Variants in CCSER1 observed in about 807,000 individuals in gnomAD.
CCSER1 encodes the protein coiled-coil serine rich protein 1.
CCSER1 carries 41 observed loss-of-function variants against 82.0 expected under a neutral mutation model. The observed-to-expected ratio is 0.50, with a 90% CI of 0.39 to 0.65. The LOEUF is 0.65. Among genes scored for constraint, CCSER1 ranks in the 30% least tolerant of loss-of-function variants. The pLI, the probability that CCSER1 is intolerant of heterozygous loss-of-function variation, is 0.00. For synonymous variants in CCSER1, 414 were observed against 383.9 expected, an observed-to-expected ratio of 1.08 and a Z score of -0.92; for missense variants, 1,119 against 1,064.2, an observed-to-expected ratio of 1.05 and a Z score of -0.72.
intron 8 of CCSER1, chr4:90,838,937 G>T: frequency 6.2e-7 from 1 of 1,613,408 alleles, no homozygotes; most frequent in Non-Finnish European, 8.5e-7. Flanking sequence ...CTGTTCAATC[G>T]TTTCTTTGGA....
At chr4:90,418,524 G>A (rs911870036) in intron 4 of CCSER1, among the ~76,000 whole-genome samples, 4 of 152,026 alleles carry the variant, frequency 2.6e-5, no homozygotes, top group Middle Eastern at 6.8e-3. Flanking sequence ...AATTTATGAG[G>A]TAAATAACAT....
chr4:90,225,845 T>G (rs1304063946), intron 1 of CCSER1, among the ~76,000 whole-genome samples: 1 of 152,226 alleles, frequency 6.6e-6, no homozygotes, highest in Non-Finnish European at 1.5e-5. Context: ...TGGCCACAGA[T>G]GCTTTGCTGC....
intron 5 of CCSER1, among the ~76,000 whole-genome samples, chr4:90,541,290 A>T (rs1776066293): frequency 6.6e-6 from 1 of 151,872 alleles, no homozygotes; most frequent in Non-Finnish European, 1.5e-5. Context: ...GAGAATGAAT[A>T]CTCTCTCTAC....
At chr4:90,534,164 C>T (rs550493171) in intron 5 of CCSER1, among the ~76,000 whole-genome samples, 28 of 152,318 alleles carry the variant, frequency 1.8e-4, no homozygotes, top group Non-Finnish European at 3.2e-4. Context: ...CAGTCTCGCT[C>T]TGTTGCCCAG....
At chr4:91,542,928 G>A (rs1448175325) in intron 10 of CCSER1, among the ~76,000 whole-genome samples, 1 of 152,046 alleles carries the variant, frequency 6.6e-6, no homozygotes, top group Non-Finnish European at 1.5e-5. Flanking sequence ...ATTATTGTGT[G>A]GGAGTCTAAG....
At chr4:91,082,956 A>G (rs1287739784) in intron 9 of CCSER1, among the ~76,000 whole-genome samples, 1 of 152,152 alleles carries the variant, frequency 6.6e-6, no homozygotes, top group Admixed American at 6.6e-5. Context: ...CTTCTACACT[A>G]TTAGTGGGAC....
At chr4:91,178,592 G>T (rs979627642) in intron 10 of CCSER1, among the ~76,000 whole-genome samples, 2 of 151,952 alleles carry the variant, frequency 1.3e-5, no homozygotes, top group Admixed American at 1.3e-4. Context: ...ATCTTTGTTG[G>T]TTTAAAGTCT....
chr4:91,023,739 T>G (rs903745469), intron 9 of CCSER1, among the ~76,000 whole-genome samples: 1 of 152,142 alleles, frequency 6.6e-6, no homozygotes, highest in African/African-American at 2.4e-5. Flanking sequence ...ATTCAGGACA[T>G]AGGCATGGGC....
intron 5 of CCSER1, among the ~76,000 whole-genome samples, chr4:90,507,392 A>G (rs752509520): frequency 3.8e-4 from 58 of 151,988 alleles, no homozygotes; most frequent in African/African-American, 8.2e-4. Flanking sequence ...TCTAAACATT[A>G]TTTGAAAAAA....
intron 10 of CCSER1, among the ~76,000 whole-genome samples, chr4:91,464,690 G>T (rs957046326): frequency 6.6e-6 from 1 of 152,098 alleles, no homozygotes; most frequent in African/African-American, 2.4e-5. Flanking sequence ...CAAAAAAATG[G>T]CAGGACTTGC....
chr4:90,664,043 A>G (rs1731284075), intron 6 of CCSER1: 2 of 165,258 alleles, frequency 1.2e-5, no homozygotes, highest in South Asian at 2.6e-4. Flanking sequence ...TCTATACAAA[A>G]AAAATCTCTA....
At position 90,723,941 on chromosome 4, in the gene CCSER1, A is replaced by G; in HGVS notation, c.1960A>G (p.Thr654Ala). Reference protein sequence around the residue: ...ESADMSPASSTTSLPVSPLTE... With the variant: ...ESADMSPASSATSLPVSPLTE... ...TGCAGACATGAGTCCAGCAAGCAGT[A>G]CCACGTCACTTCCTGTTAGTCCTCT... Residue 654 changes from threonine (T) to alanine (A), a missense_variant, in exon 7 of 11, where the codon ACC becomes GCC. By Grantham distance (58) the Thr-to-Ala change is moderately conservative (BLOSUM62 0). Coordinates refer to ENST00000509176, the MANE Select transcript of CCSER1 (RefSeq NM_001145065.2). 6.3e-7 allele frequency: 1 copy of G among 1,583,790 alleles called. No individual in the cohort carries two copies. Among genetic ancestry groups the G allele is most frequent in the Non-Finnish European group, 8.6e-7 (1 of 1,163,272 alleles).
At chr4:90,812,877 AC>A (rs1758531074) in intron 7 of CCSER1, among the ~76,000 whole-genome samples, 1 of 151,966 alleles carries the variant, frequency 6.6e-6, no homozygotes, top group African/African-American at 2.4e-5. Context: ...AGGGGAAACC[AC>A]CCCCATGATC....
At chr4:90,804,339 G>A (rs1580550495) in intron 7 of CCSER1, among the ~76,000 whole-genome samples, 1 of 152,014 alleles carries the variant, frequency 6.6e-6, no homozygotes, top group African/African-American at 2.4e-5. Context: ...AATTTTTATG[G>A]TCCTAGGTTT....
intron 10 of CCSER1, among the ~76,000 whole-genome samples, chr4:91,437,529 T>A (rs1754742937): frequency 1.3e-5 from 2 of 152,202 alleles, no homozygotes; most frequent in Admixed American, 6.5e-5. Context: ...ACAGCTCCGG[T>A]CTACAGCTCC....
At chr4:90,137,882 G>C (rs1334390799) in intron 1 of CCSER1, among the ~76,000 whole-genome samples, 2 of 152,154 alleles carry the variant, frequency 1.3e-5, no homozygotes, top group African/African-American at 4.8e-5. Flanking sequence ...GCTTATTCTA[G>C]TAGGCCCTTC....
chr4:90,180,416 G>A lies in CCSER1; in HGVS notation c.-42+52585G>A, dbSNP rs1031397935. The stretch of plus-strand genomic sequence containing the variant: ...CCAGACTGGCCAACATGGTGAAACC[G>A]CGTCTCTACTAAAAATACAAAAATT... On this transcript the variant is annotated intron_variant, in intron 1 of 10. Coordinates refer to ENST00000509176, the MANE Select transcript of CCSER1 (RefSeq NM_001145065.2). Among the ~76,000 whole-genome samples the A allele has an allele frequency of 5.3e-5, 8 of 151,738 alleles. No homozygotes were observed. The East Asian group carries it at 1.4e-3, about 26-fold the overall frequency.
chr4:90,339,433 G>A (rs1740987022), intron 3 of CCSER1, among the ~76,000 whole-genome samples: 1 of 152,110 alleles, frequency 6.6e-6, no homozygotes, highest in Non-Finnish European at 1.5e-5. Context: ...TGTTATGTCT[G>A]TTCTCAACAC....
intron 9 of CCSER1, among the ~76,000 whole-genome samples, chr4:91,030,559 A>G (rs542027582): frequency 6.6e-6 from 1 of 152,232 alleles, no homozygotes; most frequent in East Asian, 1.9e-4. Context: ...GTCTTTGGTC[A>G]TTCATTTCTG....
Sources: gnomAD v4.1 joint callset for allele counts (sites outside exome capture counted in the v4.1 genomes callset) on GRCh38, gnomAD v4.1.1 for gene constraint, MANE v1.5 for transcripts, NCBI Gene and HGNC (gene_info 2026-07-23, HGNC 2026-07-21) for gene names.